Variants in GRIN2B observed in about 807,000 individuals in gnomAD.
The protein encoded by GRIN2B is glutamate receptor ionotropic, NMDA 2B.
A neutral mutation model predicts 114.5 loss-of-function variants in GRIN2B; 5 were observed. The ratio of observed to expected loss-of-function variants is 0.04; its 90% CI spans 0.02 to 0.09. The LOEUF (loss-of-function observed/expected upper bound fraction) is 0.09, where lower values mean the gene tolerates loss of function less well. Among genes scored for constraint, GRIN2B ranks in the 10% least tolerant of loss-of-function variants. The pLI, the probability that GRIN2B is intolerant of heterozygous loss-of-function variation, is 1.00. For missense variants in GRIN2B, 1,108 were observed against 1,943.5 expected (o/e 0.57, Z 8.08); for synonymous variants, 787 against 745.1 (o/e 1.06, Z -0.92).
intron 4 of GRIN2B, among the ~76,000 whole-genome samples, chr12:13,708,655 T>C (rs1394927530): frequency 6.6e-6 from 1 of 152,072 alleles, no homozygotes; most frequent in Non-Finnish European, 1.5e-5. Flanking sequence ...ACATATATCA[T>C]TTCTTTCTAT....
At chr12:13,579,309 A>G (rs943078490) in intron 10 of GRIN2B, among the ~76,000 whole-genome samples, 2 of 152,200 alleles carry the variant, frequency 1.3e-5, no homozygotes, top group Admixed American at 1.3e-4. Context: ...TTTAGAGTTC[A>G]TAATATAAGG....
chr12:13,606,010 T>C (rs1949242158), intron 10 of GRIN2B, among the ~76,000 whole-genome samples: 1 of 152,130 alleles, frequency 6.6e-6, no homozygotes, highest in African/African-American at 2.4e-5. Flanking sequence ...ATGTCATGCA[T>C]GGTGACATGG....
intron 2 of GRIN2B, among the ~76,000 whole-genome samples, chr12:13,973,293 T>C (rs1349149694): frequency 6.6e-6 from 1 of 152,206 alleles, no homozygotes; most frequent in Non-Finnish European, 1.5e-5. Context: ...AAGCTTGACA[T>C]TTCTTTCTAA....
At chr12:13,838,161 T>G (rs1157424745) in intron 3 of GRIN2B, among the ~76,000 whole-genome samples, 1 of 151,898 alleles carries the variant, frequency 6.6e-6, no homozygotes, top group Non-Finnish European at 1.5e-5. Context: ...GAATAAGAGG[T>G]AAATAGCAAA....
chr12:13,973,398 G>A (rs1419642957), intron 2 of GRIN2B, among the ~76,000 whole-genome samples: 1 of 152,208 alleles, frequency 6.6e-6, no homozygotes, highest in South Asian at 2.1e-4. Context: ...TGAGTGAGCA[G>A]TTCAGAGGGT....
intron 4 of GRIN2B, among the ~76,000 whole-genome samples, chr12:13,704,566 G>A (rs1246050376): frequency 6.6e-6 from 1 of 151,928 alleles, no homozygotes; most frequent in Non-Finnish European, 1.5e-5. Context: ...CAATCTCTAG[G>A]AGACACCCAC....
chr12:13,671,220 AGACT>A (rs1950018976), intron 5 of GRIN2B, among the ~76,000 whole-genome samples: 1 of 152,164 alleles, frequency 6.6e-6, no homozygotes, highest in African/African-American at 2.4e-5. Context: ...CATTTGTTGG[AGACT>A]GACTGTTTCA....
At chr12:13,937,957 A>G (rs1270562868) in intron 2 of GRIN2B, among the ~76,000 whole-genome samples, 2 of 152,090 alleles carry the variant, frequency 1.3e-5, no homozygotes, top group African/African-American at 4.8e-5. Flanking sequence ...GAAGTATGCA[A>G]TGTCATACCT....
chr12:13,696,330 T>C (rs1950258525), intron 4 of GRIN2B, among the ~76,000 whole-genome samples: 1 of 152,102 alleles, frequency 6.6e-6, no homozygotes, highest in African/African-American at 2.4e-5. Context: ...TCTTCAGACA[T>C]GAGAATACTA....
At chr12:13,719,581 A>G (rs542100750) in intron 4 of GRIN2B, among the ~76,000 whole-genome samples, 1 of 152,146 alleles carries the variant, frequency 6.6e-6, no homozygotes, top group East Asian at 1.9e-4. Context: ...ATCACAGTAC[A>G]ATGTGCAGGG....
intron 2 of GRIN2B, among the ~76,000 whole-genome samples, chr12:13,976,842 G>A (rs1164310664): frequency 6.6e-6 from 1 of 152,040 alleles, no homozygotes; most frequent in African/African-American, 2.4e-5. Context: ...TGTTTTACAA[G>A]GTAATATTGT....
rs537830594 is a variant in GRIN2B, at chr12:13,950,882, T to C, written c.-19+29046A>G. On this transcript the variant is annotated intron_variant, in intron 2 of 13. Transcript: ENST00000609686. ...TCCAGAATCCCTATCAGAAATAAAT[T>C]CAACATGGAATGACAGGCCTAGCCA... Among the ~76,000 whole-genome samples the C allele has an allele frequency of 2.0e-5, 3 of 152,216 alleles. No individual in the cohort carries two copies. The East Asian group carries it at 5.8e-4, about 29-fold the overall frequency.
intron 12 of GRIN2B, 63 bp downstream of exon 12, chr12:13,569,767 G>C: frequency 1.0e-6 from 1 of 986,728 alleles, no homozygotes; most frequent in Non-Finnish European, 1.5e-6. Flanking sequence ...AAAAGGAAAG[G>C]TTGATGTTTT....
intron 3 of GRIN2B, among the ~76,000 whole-genome samples, chr12:13,856,365 T>C (rs192394902): frequency 2.4e-3 from 366 of 152,182 alleles, no homozygotes; most frequent in African/African-American, 8.5e-3. Context: ...AGGGCGGTTT[T>C]AAGCAAAAAA....
Position 13,537,481 on chromosome 12 carries a change from A to G in GRIN2B, c.*25302T>C, listed in dbSNP as rs1591590941. ...ATAAAATGGTGCTTCCGTTATGTCC[A>G]TTCTTCAGCTCCAAATGGAAGAGGA... On this transcript the variant is annotated 3_prime_UTR_variant, in exon 14 of 14. Coordinates refer to ENST00000609686, the MANE Select transcript of GRIN2B (RefSeq NM_000834.5). The G allele has an allele frequency of 6.6e-6, 1 of 152,218 alleles. No individual in the cohort carries two copies. Among genetic ancestry groups the G allele is most frequent in the African/African-American group, 2.4e-5 (1 of 41,460 alleles). The allele number at this position is 152,218 out of a possible 1,614,324, so 9.4% of individuals were successfully genotyped here.
chr12:13,830,343 T>C (rs760277791), intron 3 of GRIN2B, among the ~76,000 whole-genome samples: 3 of 152,220 alleles, frequency 2.0e-5, no homozygotes, highest in Non-Finnish European at 4.4e-5. Context: ...GTTAAGGTAC[T>C]CATGCTTCTA....
chr12:13,767,576 A>G (rs919219514), intron 3 of GRIN2B, among the ~76,000 whole-genome samples: 18 of 152,218 alleles, frequency 1.2e-4, no homozygotes, highest in Admixed American at 2.0e-4. Flanking sequence ...AAAAAACAGC[A>G]TATGATCTGA....
chr12:13,604,832 T>C (rs1949215362), intron 10 of GRIN2B, among the ~76,000 whole-genome samples: 1 of 152,240 alleles, frequency 6.6e-6, no homozygotes, highest in South Asian at 2.1e-4. Flanking sequence ...AGTCATTAGT[T>C]ACTTAAATGT....
chr12:13,936,664 C>A (rs1160019524), intron 2 of GRIN2B, among the ~76,000 whole-genome samples: 1 of 152,210 alleles, frequency 6.6e-6, no homozygotes, highest in East Asian at 1.9e-4. Flanking sequence ...AATTAAAAAA[C>A]CATTTATACA....
Sources: gnomAD v4.1 joint callset for allele counts (sites outside exome capture counted in the v4.1 genomes callset) on GRCh38, gnomAD v4.1.1 for gene constraint, MANE v1.5 for transcripts, NCBI Gene and HGNC (gene_info 2026-07-23, HGNC 2026-07-21) for gene names.